REST: variants seen among roughly 807,000 people sequenced by gnomAD.
REST encodes RE1-silencing transcription factor.
Under a neutral mutation model 30.4 loss-of-function variants are expected in REST, and 1 was observed. The ratio of observed to expected loss-of-function variants is 0.03; its 90% CI spans 0.01 to 0.16. The LOEUF is 0.16. REST is among the 10% of genes least tolerant of loss of function. The pLI is 1.00. For synonymous variants in REST, 504 were observed against 451.1 expected, an observed-to-expected ratio of 1.12 and a Z score of -1.49; for missense variants, 1,259 against 1,329.5, an observed-to-expected ratio of 0.95 and a Z score of 0.82.
In REST at chr4:56,930,415, C is replaced by G; in HGVS notation, c.1557C>G (p.Ser519Arg). Reference sequence around the variant, plus strand: ...AAAAATTCAGTAAAACTAAGAAAAGCAAAAGGAAGCTGGAAGTTGACAGCC... The same window carrying G: ...AAAAATTCAGTAAAACTAAGAAAAGGAAAAGGAAGCTGGAAGTTGACAGCC... ...NSEKFSKTKKSKRKLEVDSHS... is the reference protein window; with the variant it reads ...NSEKFSKTKKRKRKLEVDSHS... The change falls in exon 4 of 4, where the codon AGC (serine) becomes AGG (arginine). Residue 519 changes from serine (S) to arginine (R), a missense_variant. Transcript: ENST00000309042. The G allele has an allele frequency of 6.2e-7, 1 of 1,613,656 alleles. No individual in the cohort carries two copies. The highest frequency in any genetic ancestry group is 8.5e-7 in the Non-Finnish European group (1 of 1,179,940).
intron 3 of REST, among the ~76,000 whole-genome samples, chr4:56,924,518 C>T (rs918817438): frequency 3.3e-5 from 5 of 152,110 alleles, no homozygotes; most frequent in Admixed American, 2.0e-4. Context: ...GGGTGGAGTG[C>T]AGTGGGTGCA....
At chr4:56,924,877 C>T (rs1720612880) in intron 3 of REST, among the ~76,000 whole-genome samples, 1 of 152,090 alleles carries the variant, frequency 6.6e-6, no homozygotes, top group Admixed American at 6.6e-5. Flanking sequence ...TAAAAATTTT[C>T]TTTGCCGGCT....
At position 56,907,922 on chromosome 4, in the gene REST, T is replaced by G. The variant is rs1186618766; in HGVS notation, c.-301T>G. 36 of 252,952 alleles carry G rather than the reference T, an allele frequency of 1.4e-4. No individual in the cohort carries two copies. Among genetic ancestry groups the G allele is most frequent in the African/African-American group, 6.1e-4 (26 of 42,502 alleles). The allele number at this position is 252,952 out of a possible 1,614,324, so 15.7% of individuals were successfully genotyped here. A position where few individuals can be genotyped will look rare whatever the true frequency, so the allele number is the denominator to read the frequency against. On this transcript the variant is annotated 5_prime_UTR_variant, in exon 1 of 4. Coordinates refer to ENST00000309042, the MANE Select transcript of REST (RefSeq NM_005612.5). ...TGGGTGCGCGGCGCAGCGTCCTGTG[T>G]TGGAATGTGCGGCTGCCGCGAGCTC... is the stretch of plus-strand genomic sequence containing the variant.
In REST at chr4:56,915,418, T is replaced by A. The variant is rs560603798; in HGVS notation, c.898+3882T>A. Among the ~76,000 whole-genome samples, 100 of 151,484 alleles carry A rather than the reference T, an allele frequency of 6.6e-4. 1 individual carries two copies. In the South Asian group the frequency reaches 0.014, roughly 22 times the overall value. On this transcript the variant is annotated intron_variant, in intron 2 of 3. Transcript: ENST00000309042. ...GTGCCACCACGCCCAGCTAATTTTTTAAAAAATTTTTAGTAGAGACAGCGT... is the reference window on the plus strand; with the variant it reads ...GTGCCACCACGCCCAGCTAATTTTTAAAAAAATTTTTAGTAGAGACAGCGT...
intron 2 of REST, among the ~76,000 whole-genome samples, chr4:56,916,170 G>C (rs559902380): frequency 3.3e-5 from 5 of 152,086 alleles, no homozygotes; most frequent in Non-Finnish European, 7.4e-5. Flanking sequence ...CAAAAGGGTG[G>C]GGGGAGCTGG....
intron 2 of REST, among the ~76,000 whole-genome samples, chr4:56,912,607 C>T (rs1369193164): frequency 6.6e-6 from 1 of 152,022 alleles, no homozygotes; most frequent in Non-Finnish European, 1.5e-5. Context: ...CTCTGTCTCC[C>T]AGGTTCAAGC....
chr4:56,926,282 G>A (rs11736869), intron 3 of REST, among the ~76,000 whole-genome samples: 54,282 of 151,752 alleles, frequency 0.36, 9,832 homozygotes, highest in Middle Eastern at 0.5. Context: ...ACTGGTCTCC[G>A]GCTCCTGGTC....
chr4:56,919,527 T>C (rs955552285), intron 2 of REST, among the ~76,000 whole-genome samples: 13 of 152,242 alleles, frequency 8.5e-5, no homozygotes, highest in Non-Finnish European at 1.9e-4. Context: ...GCAGTATCAC[T>C]GTGAAAATTA....
intron 2 of REST, among the ~76,000 whole-genome samples, chr4:56,913,431 T>C (rs1191441030): frequency 6.6e-6 from 1 of 152,212 alleles, no homozygotes; most frequent in Non-Finnish European, 1.5e-5. Flanking sequence ...TGTTACATTT[T>C]CTTGGTAAGA....
At chr4:56,929,595 G>A (rs1290490351) in intron 3 of REST, among the ~76,000 whole-genome samples, 3 of 151,890 alleles carry the variant, frequency 2.0e-5, no homozygotes, top group African/African-American at 7.3e-5. Context: ...CTGTTCTTTA[G>A]TAGTGCTTGA....
intron 3 of REST, among the ~76,000 whole-genome samples, chr4:56,928,447 G>A (rs964837384): frequency 6.6e-6 from 1 of 151,958 alleles, no homozygotes; most frequent in Non-Finnish European, 1.5e-5. Flanking sequence ...ACAGGGCCTT[G>A]CCCTGTTGCC....
chr4:56,915,441 CGTTTCACCATGTTGGCCAGGCTG>C (rs1364166078), intron 2 of REST, among the ~76,000 whole-genome samples: 1 of 149,020 alleles, frequency 6.7e-6, no homozygotes. Context: ...GTAGAGACAG[CGTTTCACCATGTTGGCCAGGCTG>C]GTCTCGACCT....
rs1225443684 is a variant in REST at position 56,932,359 on chromosome 4, C to T, written c.*207C>T. On this transcript the variant is annotated 3_prime_UTR_variant, in exon 4 of 4. Coordinates refer to ENST00000309042, the MANE Select transcript of REST (RefSeq NM_005612.5). ...AATCTAAGAGAGTGTACTAAACCAG[C>T]AGGTATCTGTTAGCTTATGTGTTTA... is the stretch of plus-strand genomic sequence containing the variant. 1 of 525,508 alleles carries T rather than the reference C, an allele frequency of 1.9e-6. No homozygotes were observed. Among genetic ancestry groups the T allele is most frequent in the Non-Finnish European group, 3.3e-6 (1 of 305,168 alleles). The allele number at this position is 525,508 out of a possible 1,614,324, so 32.6% of individuals were successfully genotyped here. A position where few individuals can be genotyped will look rare whatever the true frequency, so the allele number is the denominator to read the frequency against.
At position 56,930,716 on chromosome 4, in the gene REST, G is replaced by T; in HGVS notation, c.1858G>T (p.Ala620Ser). ...TCAGATGGGGCCTGCTCCCACAGAG[G>T]CGGTTCAGAAGGGGCCCGTTCAGGT... Reference protein sequence around the residue: ...PPQMGPAPTEAVQKGPVQVEP... With the variant: ...PPQMGPAPTESVQKGPVQVEP... Residue 620 changes from alanine (A) to serine (S), a missense_variant, in exon 4 of 4, where the codon GCG (alanine) becomes TCG (serine). Physicochemically the swap from Ala to Ser is moderately conservative, Grantham distance 99. Coordinates refer to ENST00000309042, the MANE Select transcript of REST (RefSeq NM_005612.5). 6.2e-7 allele frequency: 1 copy of T among 1,604,404 alleles called. No homozygotes were observed. Among genetic ancestry groups the T allele is most frequent in the Non-Finnish European group, 8.5e-7 (1 of 1,177,582 alleles).
rs767218035 is a variant in REST, at chr4:56,930,793, G to A, written c.1935G>A (p.Arg645=). The part of the protein sequence containing the change: ...EHAQMEGAQI[R]PAPDEPVQME... ...CTCAGATGGAGGGTGCCCAGATACG[G>A]CCTGCTCCTGACGAGCCTGTTCAGA... Residue 645 remains arginine, a synonymous_variant, in exon 4 of 4, where the codon CGG becomes CGA. Transcript: ENST00000309042. 5 of 1,606,112 alleles carry A rather than the reference G, an allele frequency of 3.1e-6. No individual in the cohort carries two copies. In the African/African-American group the frequency reaches 5.4e-5, roughly 17 times the overall value.
chr4:56,921,254 G>A (rs1300838420), intron 3 of REST, among the ~76,000 whole-genome samples: 1 of 152,130 alleles, frequency 6.6e-6, no homozygotes, highest in East Asian at 1.9e-4. Flanking sequence ...AGCCTATGTA[G>A]AACCATCTCC....
chr4:56,927,348 C>A (rs1720760083), intron 3 of REST, among the ~76,000 whole-genome samples: 1 of 152,160 alleles, frequency 6.6e-6, no homozygotes, highest in African/African-American at 2.4e-5. Flanking sequence ...TAGAAACTTG[C>A]ATATTTGTAA....
At position 56,910,777 on chromosome 4, in the gene REST, A is replaced by C. The variant is rs775172840; in HGVS notation, c.139A>C (p.Ile47Leu). The C allele has an allele frequency of 6.2e-7, 1 of 1,614,178 alleles. No individual in the cohort carries two copies. Among genetic ancestry groups the C allele is most frequent in the Non-Finnish European group, 8.5e-7 (1 of 1,180,034 alleles). Reference sequence around the variant, plus strand: ...AGCTGAACTGGCCGCACCTCAGCTTATTATGCTGGCAAATGTGGCCTTAAC... The same window carrying C: ...AGCTGAACTGGCCGCACCTCAGCTTCTTATGCTGGCAAATGTGGCCTTAAC... Reference protein sequence around the residue: ...SKAELAAPQLIMLANVALTGE... With the variant: ...SKAELAAPQLLMLANVALTGE... Residue 47 changes from isoleucine to leucine, a missense_variant, in exon 2 of 4, where the codon ATT becomes CTT. Ile to Leu is a conservative substitution (Grantham distance 5, BLOSUM62 2). Coordinates refer to ENST00000309042, the MANE Select transcript of REST (RefSeq NM_005612.5).
intron 2 of REST, among the ~76,000 whole-genome samples, chr4:56,915,240 A>ATGTTTT (rs1720139777): frequency 1.8e-5 from 1 of 55,514 alleles, no homozygotes; most frequent in East Asian, 5.2e-4. Context: ...GTGTGTGTGT[A>ATGTTTT]TTTTTTTTTT....
Sources: allele counts gnomAD v4.1 joint callset (sites outside exome capture counted in the v4.1 genomes callset), GRCh38; gene constraint gnomAD v4.1.1; transcripts MANE v1.5; gene names NCBI Gene and HGNC (gene_info 2026-07-23, HGNC 2026-07-21).